The following TET2 variants were observed in gnomAD, a reference collection of about 807,000 sequenced individuals.
TET2 encodes the protein methylcytosine dioxygenase TET2.
In TET2, 299 loss-of-function variants were observed where a neutral mutation model predicts 142.9. The ratio of observed to expected loss-of-function variants is 2.09; its 90% CI spans 1.90 to 2.30. TET2 has a LOEUF of 2.30. Ranked by LOEUF, TET2 falls within the 30% of genes most tolerant of loss-of-function variation. The pLI, the probability that TET2 is intolerant of heterozygous loss-of-function variation, is 0.00. For synonymous variants in TET2, 819 were observed against 849.0 expected, an observed-to-expected ratio of 0.96 and a Z score of 0.61; for missense variants, 2,418 against 2,378.0, an observed-to-expected ratio of 1.02 and a Z score of -0.35.
intron 5 of TET2, 52 bp from the exon 6 acceptor site, chr4:105,243,518 T>G: frequency 2.0e-6 from 3 of 1,494,842 alleles, no homozygotes; most frequent in Non-Finnish European, 2.7e-6. Flanking sequence ...TGACCCTTGT[T>G]TTGTTTTGGT....
intron 2 of TET2, among the ~76,000 whole-genome samples, chr4:105,226,542 A>T (rs1200987641): frequency 6.6e-6 from 1 of 151,968 alleles, no homozygotes; most frequent in East Asian, 1.9e-4. Context: ...TCCTCCTGAT[A>T]GTGAGTTCTC....
chr4:105,190,609 C>A, intron 2 of TET2, 104 bp downstream of exon 2: 1 of 624,068 alleles, frequency 1.6e-6, no homozygotes, highest in Non-Finnish European at 2.9e-6. Flanking sequence ...ACCCTGCACC[C>A]TCTCAAATAC....
At chr4:105,259,131 G>A (rs1471186256) in intron 6 of TET2, among the ~76,000 whole-genome samples, 2 of 152,122 alleles carry the variant, frequency 1.3e-5, no homozygotes, top group East Asian at 3.9e-4. Context: ...CACACCTATA[G>A]TTCCAGCTAT....
intron 2 of TET2, among the ~76,000 whole-genome samples, chr4:105,231,660 C>T (rs1222387924): frequency 6.6e-6 from 1 of 152,008 alleles, no homozygotes; most frequent in Non-Finnish European, 1.5e-5. Flanking sequence ...TTTCATTTTT[C>T]TTGTTTATCA....
At chr4:105,225,924 CTG>C (rs1304689106) in intron 2 of TET2, among the ~76,000 whole-genome samples, 2 of 152,162 alleles carry the variant, frequency 1.3e-5, no homozygotes, top group African/African-American at 2.4e-5. Flanking sequence ...CAGAATAACT[CTG>C]TGGCAGCTTC....
chr4:105,205,076 A>G (rs1264599108), intron 2 of TET2, among the ~76,000 whole-genome samples: 2 of 152,170 alleles, frequency 1.3e-5, no homozygotes, highest in African/African-American at 2.4e-5. Flanking sequence ...TAGTTATACT[A>G]TAGCTATAGC....
Position 105,233,980 on chromosome 4 carries a change from G to A in TET2, c.38G>A (p.Arg13Lys). 6.2e-7 allele frequency: 1 copy of A among 1,614,082 alleles called. No individual in the cohort carries two copies. The highest frequency in any genetic ancestry group is 1.3e-5 in the African/African-American group (1 of 75,058). The change falls in exon 3 of 11, where the codon AGA becomes AAA. Residue 13 changes from arginine (R) to lysine (K), a missense_variant. Physicochemically the swap from Arg to Lys is conservative, Grantham distance 26. Coordinates refer to ENST00000380013, the MANE Select transcript of TET2 (RefSeq NM_001127208.3). ...QDRTNHVEGN[R>K]LSPFLIPSPP... Reference sequence around the variant, plus strand: ...AGAACCAACCATGTTGAGGGCAACAGACTAAGTCCATTCCTGATACCATCA... The same window carrying A: ...AGAACCAACCATGTTGAGGGCAACAAACTAAGTCCATTCCTGATACCATCA...
chr4:105,274,856 T>C (rs1731121145), intron 10 of TET2, among the ~76,000 whole-genome samples, 192 bp from the exon 11 acceptor site: 1 of 152,166 alleles, frequency 6.6e-6, no homozygotes, highest in South Asian at 2.1e-4. Flanking sequence ...AGTTTTGTAT[T>C]TCTAATGCCT....
chr4:105,178,176 C>T (rs934942089), intron 1 of TET2: 1 of 152,014 alleles, frequency 6.6e-6, no homozygotes, highest in Non-Finnish European at 1.5e-5. Context: ...TACATAATTG[C>T]CAAAACTTGG....
chr4:105,235,953 G>A lies in TET2; in HGVS notation c.2011G>A (p.Ala671Thr), dbSNP rs1382693834. Reference sequence around the variant, plus strand: ...CTCCAAAACAGACCATTTACCAAAAGCTCATGTGCAGTCACTGTGTGGCAC... The same window carrying A: ...CTCCAAAACAGACCATTTACCAAAAACTCATGTGCAGTCACTGTGTGGCAC... ...HFSKTDHLPK[A>T]HVQSLCGTRF... is the part of the protein sequence containing the mutation. The change falls in exon 3 of 11, where the codon GCT (alanine) becomes ACT (threonine). Residue 671 changes from alanine (A) to threonine (T), a missense_variant. Ala to Thr is a moderately conservative substitution (Grantham distance 58, BLOSUM62 0). Transcript: ENST00000380013. 6.2e-7 allele frequency: 1 copy of A among 1,614,006 alleles called. No individual in the cohort carries two copies. The highest frequency in any genetic ancestry group is 2.2e-5 in the East Asian group (1 of 44,880).
At chr4:105,227,131 C>T (rs1334898318) in intron 2 of TET2, among the ~76,000 whole-genome samples, 1 of 152,106 alleles carries the variant, frequency 6.6e-6, no homozygotes, top group Non-Finnish European at 1.5e-5. Flanking sequence ...CCAGCTATAA[C>T]CCATAAGAGC....
chr4:105,261,145 T>A (rs1378691475), intron 7 of TET2, among the ~76,000 whole-genome samples: 1 of 152,076 alleles, frequency 6.6e-6, no homozygotes, highest in Non-Finnish European at 1.5e-5. Flanking sequence ...TATGATCACC[T>A]ACCATTTTTT....
At chr4:105,151,012 G>A (rs1190124171) in intron 1 of TET2, among the ~76,000 whole-genome samples, 3 of 152,124 alleles carry the variant, frequency 2.0e-5, no homozygotes, top group Non-Finnish European at 4.4e-5. Flanking sequence ...TAGATATTTG[G>A]TTGTCCATTC....
At position 105,259,643 on chromosome 4, in the gene TET2, G is replaced by A. The variant is rs1730321855; in HGVS notation, c.3828G>A (p.Leu1276=). 1.3e-6 allele frequency: 2 copies of A among 1,551,072 alleles called. No homozygotes were observed. The highest frequency in any genetic ancestry group is 1.7e-6 in the Non-Finnish European group (2 of 1,146,484). Residue 1276 remains leucine, a synonymous_variant, in exon 7 of 11, where the codon CTG becomes CTA. Coordinates refer to ENST00000380013, the MANE Select transcript of TET2 (RefSeq NM_001127208.3). The part of the protein sequence containing the change: ...NEERTCACQG[L]DPETCGASFS... ...GGAGAACTTGCGCCTGTCAGGGGCT[G>A]GATCCAGAAACCTGTGGTGCCTCCT...
Position 105,235,784 on chromosome 4 carries a change from G to A in TET2, c.1842G>A (p.Gly614=), listed in dbSNP as rs755580531. ...QYTGNSNMPG[G]LPRQAYTQKT... Reference sequence around the variant, plus strand: ...CTGGAAATTCCAACATGCCTGGGGGGCTCCCAAGGCAAGCTTACACCCAGA... The same window carrying A: ...CTGGAAATTCCAACATGCCTGGGGGACTCCCAAGGCAAGCTTACACCCAGA... Residue 614 remains glycine, a synonymous_variant, in exon 3 of 11, where the codon GGG becomes GGA. Coordinates refer to ENST00000380013, the MANE Select transcript of TET2 (RefSeq NM_001127208.3). The A allele has an allele frequency of 6.2e-7, 1 of 1,614,014 alleles. No homozygotes were observed. The highest frequency in any genetic ancestry group is 8.5e-7 in the Non-Finnish European group (1 of 1,180,004).
At chr4:105,155,698 G>T in intron 1 of TET2, among the ~76,000 whole-genome samples, 1 of 152,162 alleles carries the variant, frequency 6.6e-6, no homozygotes. Context: ...ACTGATAACT[G>T]GAGTGGAGAA....
chr4:105,160,853 C>A (rs1723816260), intron 1 of TET2, among the ~76,000 whole-genome samples: 2 of 152,120 alleles, frequency 1.3e-5, no homozygotes, highest in South Asian at 4.1e-4. Context: ...CTGGGCTCAC[C>A]GCAACCTCCG....
At chr4:105,185,702 CG>C (rs1181211593) in intron 1 of TET2, among the ~76,000 whole-genome samples, 4 of 152,082 alleles carry the variant, frequency 2.6e-5, no homozygotes, top group African/African-American at 9.7e-5. Context: ...TGGCGTGAAC[CG>C]GGGAGGCGGA....
At position 105,235,606 on chromosome 4, in the gene TET2, C is replaced by T. The variant is rs201433011; in HGVS notation, c.1664C>T (p.Pro555Leu). ...GAGCAAACACGAGATCTTGTGCCCC[C>T]AACACAGCACTATCTGAAACCAGGA... ...DKEQTRDLVP[P>L]TQHYLKPGWI... The change falls in exon 3 of 11, where the codon CCA becomes CTA. Residue 555 changes from proline (P) to leucine (L), a missense_variant. Physicochemically the swap from Pro to Leu is moderately conservative, Grantham distance 98. Transcript: ENST00000380013. The T allele has an allele frequency of 1.2e-6, 2 of 1,614,164 alleles. No homozygotes were observed. The highest frequency in any genetic ancestry group is 4.5e-5 in the East Asian group (2 of 44,880).
Sources: allele counts gnomAD v4.1 joint callset (sites outside exome capture counted in the v4.1 genomes callset), GRCh38; gene constraint gnomAD v4.1.1; transcripts MANE v1.5; gene names NCBI Gene and HGNC (gene_info 2026-07-23, HGNC 2026-07-21).